The following SPAG16 variants were observed in gnomAD, a reference collection of about 807,000 sequenced individuals.
The protein encoded by SPAG16 is sperm-associated antigen 16 protein.
A neutral mutation model predicts 80.4 loss-of-function variants in SPAG16; 86 were observed. The observed-to-expected ratio is 1.07, with a 90% CI of 0.90 to 1.28. SPAG16 has a LOEUF of 1.28. Among genes scored for constraint, SPAG16 ranks in the 50% most tolerant of loss-of-function variants. The probability of loss-of-function intolerance (pLI) is 0.00; values close to 1 mark genes in which losing one functional copy is unlikely to be tolerated. For missense variants in SPAG16, 870 were observed against 765.3 expected (o/e 1.14, Z -1.61); for synonymous variants, 294 against 265.9 (o/e 1.11, Z -1.03).
chr2:213,911,238 C>T (rs1051573140), intron 11 of SPAG16, among the ~76,000 whole-genome samples: 6 of 152,198 alleles, frequency 3.9e-5, no homozygotes, highest in Admixed American at 2.6e-4. Flanking sequence ...TTCCACCTCC[C>T]GGGCTCAAGT....
At chr2:214,338,764 C>A (rs1697469906) in intron 15 of SPAG16, among the ~76,000 whole-genome samples, 1 of 152,150 alleles carries the variant, frequency 6.6e-6, no homozygotes, top group Non-Finnish European at 1.5e-5. Context: ...TCAAGAATGT[C>A]TATAATTATC....
intron 10 of SPAG16, among the ~76,000 whole-genome samples, chr2:213,720,471 CAAAA>C (rs57358797): frequency 1.5e-5 from 2 of 135,688 alleles, no homozygotes; most frequent in Non-Finnish European, 1.6e-5. Flanking sequence ...ACTAAAAATA[CAAAA>C]AAAAAAAAAA....
intron 10 of SPAG16, among the ~76,000 whole-genome samples, chr2:213,718,355 CG>C (rs1435215331): frequency 6.6e-6 from 1 of 152,188 alleles, no homozygotes; most frequent in Non-Finnish European, 1.5e-5. Context: ...CGCTTGCTCT[CG>C]GCACCCCCCC....
chr2:213,350,500 A>C (rs759173346), intron 6 of SPAG16, 28 bp from the exon 7 acceptor site: 1 of 1,268,154 alleles, frequency 7.9e-7, no homozygotes, highest in East Asian at 2.5e-5. Context: ...ATAACCCCTT[A>C]AGATGCTATT....
intron 10 of SPAG16, among the ~76,000 whole-genome samples, chr2:213,508,701 G>C (rs913687113): frequency 6.6e-6 from 1 of 152,136 alleles, no homozygotes; most frequent in African/African-American, 2.4e-5. Context: ...CTCACTCATA[G>C]GTGGGAATTG....
At chr2:213,863,373 G>T (rs1369844916) in intron 11 of SPAG16, among the ~76,000 whole-genome samples, 1 of 151,690 alleles carries the variant, frequency 6.6e-6, no homozygotes, top group African/African-American at 2.4e-5. Context: ...GATTTCTTAT[G>T]ATTTATTTTC....
chr2:214,018,563 C>G (rs1427642757), intron 13 of SPAG16, among the ~76,000 whole-genome samples: 2 of 152,068 alleles, frequency 1.3e-5, no homozygotes, highest in African/African-American at 4.8e-5. Flanking sequence ...CAACTGAATC[C>G]ATGGTATACT....
intron 11 of SPAG16, among the ~76,000 whole-genome samples, chr2:213,869,279 A>ACGTATATATATATATATGTG (rs2075848837): frequency 1.6e-5 from 1 of 61,430 alleles, no homozygotes; most frequent in Non-Finnish European, 4.4e-5. Context: ...ATATATATAT[A>ACGTATATATATATATATGTG]TGTATATATA....
Position 213,350,544 on chromosome 2 carries a change from G to T in SPAG16, c.661G>T (p.Ala221Ser). ...TTTTTATAGGTTGAAGTTACATTAT[G>T]CATCTTATGAACCGACTATAAGGGT... ...NDLKGLKLHY[A>S]SYEPTIRVLH... Residue 221 changes from alanine to serine, a missense_variant, in exon 7 of 16, where the codon GCA becomes TCA. Transcript: ENST00000331683. The T allele has an allele frequency of 6.4e-7, 1 of 1,566,008 alleles. No homozygotes were observed. The highest frequency in any genetic ancestry group is 8.6e-7 in the Non-Finnish European group (1 of 1,160,540).
chr2:213,307,605 T>A (rs917039562), intron 3 of SPAG16, among the ~76,000 whole-genome samples: 3 of 150,794 alleles, frequency 2.0e-5, no homozygotes, highest in African/African-American at 7.3e-5. Flanking sequence ...CAGTCTATCA[T>A]TGTTGGACAT....
intron 9 of SPAG16, among the ~76,000 whole-genome samples, chr2:213,392,333 G>T (rs2067797059): frequency 6.6e-6 from 1 of 152,104 alleles, no homozygotes; most frequent in African/African-American, 2.4e-5. Context: ...TGCCTAAAGT[G>T]TCATTGCATA....
chr2:213,976,201 T>C (rs556004148), intron 12 of SPAG16, among the ~76,000 whole-genome samples: 59 of 150,086 alleles, frequency 3.9e-4, no homozygotes, highest in Middle Eastern at 3.4e-3. Flanking sequence ...TGTGTATATA[T>C]ACACATACAT....
At chr2:214,103,342 A>G (rs2053186200) in intron 13 of SPAG16, among the ~76,000 whole-genome samples, 1 of 152,174 alleles carries the variant, frequency 6.6e-6, no homozygotes, top group South Asian at 2.1e-4. Context: ...GCTCTTGCCT[A>G]ACTACCTGTA....
In SPAG16 at chr2:213,481,870, T is replaced by G. The variant is rs1439303410; in HGVS notation, c.943-8093T>G. On this transcript the variant is annotated intron_variant, in intron 9 of 15. Transcript: ENST00000331683. ...GGCACAGACTTCATTCTTTGCTTTATGACACAAGTTTATTAAGGTTGCCAT... is the reference window on the plus strand; with the variant it reads ...GGCACAGACTTCATTCTTTGCTTTAGGACACAAGTTTATTAAGGTTGCCAT... Among the ~76,000 whole-genome samples, 5 of 152,364 alleles carry G rather than the reference T, an allele frequency of 3.3e-5. No homozygotes were observed. In the South Asian group the frequency reaches 1.0e-3, roughly 32 times the overall value.
chr2:213,956,446 C>CTTTT (rs755475252), intron 12 of SPAG16, among the ~76,000 whole-genome samples: 4 of 113,080 alleles, frequency 3.5e-5, no homozygotes, highest in African/African-American at 9.6e-5. Context: ...ATTTTTTTTC[C>CTTTT]TTTTTTTTTT....
At chr2:214,074,619 G>A (rs1426472648) in intron 13 of SPAG16, among the ~76,000 whole-genome samples, 1 of 151,816 alleles carries the variant, frequency 6.6e-6, no homozygotes, top group Non-Finnish European at 1.5e-5. Context: ...GAACTGAAAA[G>A]ACAACCAGAG....
chr2:213,498,276 G>C (rs2074582051), intron 10 of SPAG16, among the ~76,000 whole-genome samples: 1 of 152,034 alleles, frequency 6.6e-6, no homozygotes, highest in East Asian at 1.9e-4. Flanking sequence ...TTTAGTCCGT[G>C]TTAAAGTCAA....
At position 213,442,891 on chromosome 2, in the gene SPAG16, G is replaced by A. The variant is rs149767057; in HGVS notation, c.943-47072G>A. 9.9e-5 allele frequency among the ~76,000 whole-genome samples: 15 copies of A among 151,828 alleles called. No homozygotes were observed. In the East Asian group the frequency reaches 1.2e-3, roughly 12 times the overall value. On this transcript the variant is annotated intron_variant, in intron 9 of 15. Coordinates refer to ENST00000331683, the MANE Select transcript of SPAG16 (RefSeq NM_024532.5). ...GACAGGATCCATGAACGAAAGAATC[G>A]ATAATTAATTTTAATTGATTAAAAT...
intron 10 of SPAG16, among the ~76,000 whole-genome samples, chr2:213,612,541 T>C (rs2061469959): frequency 6.6e-6 from 1 of 152,212 alleles, no homozygotes; most frequent in South Asian, 2.1e-4. Context: ...TTTGCCTCAG[T>C]AAATGACAAC....
Sources: allele counts gnomAD v4.1 joint callset (sites outside exome capture counted in the v4.1 genomes callset), GRCh38; gene constraint gnomAD v4.1.1; transcripts MANE v1.5; gene names NCBI Gene and HGNC (gene_info 2026-07-23, HGNC 2026-07-21).